Variants in TOX observed in about 807,000 individuals in gnomAD.
TOX encodes the protein thymocyte selection associated high mobility group box, also known as thymocyte selection-associated high mobility group box protein TOX.
Under a neutral mutation model 53.7 loss-of-function variants are expected in TOX, and 11 were observed. The ratio of observed to expected loss-of-function variants is 0.20; its 90% confidence interval spans 0.13 to 0.34. The LOEUF is 0.34. Ranked by LOEUF, TOX falls within the 10% of genes least tolerant of loss-of-function variation. TOX has a pLI of 1.00. For missense variants in TOX, 570 were observed against 664.6 expected (o/e 0.86, Z 1.56); for synonymous variants, 225 against 245.3 (o/e 0.92, Z 0.77).
chr8:58,956,705 G>T (rs1471967377), intron 2 of TOX, among the ~76,000 whole-genome samples: 3 of 152,138 alleles, frequency 2.0e-5, no homozygotes, highest in African/African-American at 4.8e-5. Context: ...GGGTTCAAGC[G>T]ATTCTCCTGC....
intron 1 of TOX, among the ~76,000 whole-genome samples, chr8:59,048,117 A>G (rs538955187): frequency 6.6e-6 from 1 of 152,352 alleles, no homozygotes; most frequent in South Asian, 2.1e-4. Context: ...CTTGTTCTCA[A>G]GATCAAAATG....
chr8:59,072,629 C>T (rs1477374988), intron 1 of TOX, among the ~76,000 whole-genome samples: 2 of 152,200 alleles, frequency 1.3e-5, no homozygotes, highest in Non-Finnish European at 2.9e-5. Flanking sequence ...TGTGAAACTA[C>T]TGAGACCTTT....
rs150605902 is a variant in TOX, at chr8:58,838,278, T to G, written c.727A>C (p.Met243Leu). 1.3e-5 allele frequency: 21 copies of G among 1,613,946 alleles called. No individual in the cohort carries two copies. In the Admixed American group the frequency reaches 2.3e-4, roughly 18 times the overall value. ...TTGGGAGTTTTTGGTTTTTTCCCCA[T>G]ATCAGAGGCAGGCCGCTTCTCTCCA... ...NGGEKRPASD[M>L]GKKPKTPKKK... The change falls in exon 5 of 9, where the codon ATG (methionine) becomes CTG (leucine). Residue 243 changes from methionine to leucine, a missense_variant. Met to Leu is a conservative substitution (Grantham distance 15, BLOSUM62 2). This residue lies in a region of TOX where 282 missense variants were observed against 315.0 expected (regional missense o/e 0.90). Transcript: ENST00000361421.
At chr8:58,850,552 G>A (rs1485862797) in intron 4 of TOX, among the ~76,000 whole-genome samples, 2 of 152,288 alleles carry the variant, frequency 1.3e-5, no homozygotes, top group East Asian at 1.9e-4. Context: ...ATATGTGAGA[G>A]TTTTTAAAGG....
At chr8:59,101,784 A>AAAAC (rs1375056335) in intron 1 of TOX, among the ~76,000 whole-genome samples, 1 of 152,244 alleles carries the variant, frequency 6.6e-6, no homozygotes, top group Non-Finnish European at 1.5e-5. Context: ...AAAAATCCAA[A>AAAAC]AAACAAACAA....
chr8:58,814,073 G>GAATT (rs1210204086), intron 7 of TOX, among the ~76,000 whole-genome samples: 1 of 152,138 alleles, frequency 6.6e-6, no homozygotes, highest in Non-Finnish European at 1.5e-5. Context: ...AGTTTTCTGA[G>GAATT]AATTAAAGAA....
intron 1 of TOX, among the ~76,000 whole-genome samples, chr8:58,977,653 T>C (rs1363767161): frequency 6.6e-6 from 1 of 152,206 alleles, no homozygotes; most frequent in Non-Finnish European, 1.5e-5. Flanking sequence ...GTTTAACACT[T>C]GGAGGCCATT....
chr8:58,898,033 T>A (rs1229540091), intron 3 of TOX, among the ~76,000 whole-genome samples: 1 of 152,228 alleles, frequency 6.6e-6, no homozygotes, highest in Non-Finnish European at 1.5e-5. Context: ...ATAAATTTGA[T>A]ACAAACATAA....
intron 1 of TOX, among the ~76,000 whole-genome samples, chr8:59,003,060 G>A (rs1313238976): frequency 6.6e-6 from 1 of 152,128 alleles, no homozygotes; most frequent in Non-Finnish European, 1.5e-5. Flanking sequence ...TGATAAAACT[G>A]ACCTTTGGTT....
intron 6 of TOX, among the ~76,000 whole-genome samples, chr8:58,824,860 T>C (rs1474841317): frequency 6.6e-6 from 1 of 152,122 alleles, no homozygotes; most frequent in Non-Finnish European, 1.5e-5. Context: ...CAAATGAATA[T>C]ACAAATGGGG....
At chr8:58,869,416 C>CA (rs556231974) in intron 3 of TOX, among the ~76,000 whole-genome samples, 167 of 151,502 alleles carry the variant, frequency 1.1e-3, no homozygotes, top group African/African-American at 3.6e-3. Flanking sequence ...AACAATCTTC[C>CA]AAAAAAAATC....
intron 5 of TOX, among the ~76,000 whole-genome samples, chr8:58,830,606 C>T (rs1810437182): frequency 6.6e-6 from 1 of 152,148 alleles, no homozygotes; most frequent in African/African-American, 2.4e-5. Context: ...ACAAACAATC[C>T]ATCCAGCTCA....
intron 4 of TOX, among the ~76,000 whole-genome samples, chr8:58,844,036 T>C (rs1810684438): frequency 6.6e-6 from 1 of 152,222 alleles, no homozygotes; most frequent in African/African-American, 2.4e-5. Context: ...GGATTTATAA[T>C]CTGTCCCTGG....
intron 1 of TOX, among the ~76,000 whole-genome samples, chr8:58,978,154 G>A (rs576907165): frequency 1.3e-5 from 2 of 152,298 alleles, no homozygotes; most frequent in East Asian, 3.9e-4. Flanking sequence ...GGGTAGGCAT[G>A]GGGGAGGAGT....
chr8:58,928,295 C>T (rs1438465661), intron 3 of TOX, among the ~76,000 whole-genome samples: 1 of 152,210 alleles, frequency 6.6e-6, no homozygotes, highest in East Asian at 1.9e-4. Flanking sequence ...AGGAACAAGG[C>T]TGCTTTGGGG....
chr8:58,827,603 A>C (rs1419740550), intron 5 of TOX, among the ~76,000 whole-genome samples: 1 of 152,230 alleles, frequency 6.6e-6, no homozygotes, highest in Non-Finnish European at 1.5e-5. Context: ...CTCATTTTGA[A>C]AAGGTAAAAG....
intron 2 of TOX, among the ~76,000 whole-genome samples, chr8:58,949,802 C>T (rs924324162): frequency 1.3e-5 from 2 of 151,336 alleles, no homozygotes; most frequent in Non-Finnish European, 2.9e-5. Context: ...GTTGAGCATT[C>T]AGTGTTGGGC....
At chr8:58,967,867 G>C (rs1312061239) in intron 1 of TOX, among the ~76,000 whole-genome samples, 2 of 152,146 alleles carry the variant, frequency 1.3e-5, no homozygotes, top group African/African-American at 4.8e-5. Context: ...TCTGCTTTCT[G>C]GGAACCTGAA....
intron 1 of TOX, among the ~76,000 whole-genome samples, chr8:59,029,883 A>G (rs1198326616): frequency 6.6e-6 from 1 of 152,188 alleles, no homozygotes; most frequent in Non-Finnish European, 1.5e-5. Context: ...TTCTCATGGC[A>G]GAATCCCTCA....
Sources: gnomAD v4.1 joint callset for allele counts (sites outside exome capture counted in the v4.1 genomes callset) on GRCh38, gnomAD v4.1.1 for gene constraint, gnomAD v4.1.1 regional missense constraint, MANE v1.5 for transcripts, NCBI Gene and HGNC (gene_info 2026-07-23, HGNC 2026-07-21) for gene names.